The following PRKCA variants were observed in gnomAD, a reference collection of about 807,000 sequenced individuals.
PRKCA encodes protein kinase C alpha, also known as protein kinase C alpha type.
PRKCA carries 27 observed loss-of-function variants against 87.0 expected under a neutral mutation model. The ratio of observed to expected loss-of-function variants is 0.31; its 90% confidence interval spans 0.23 to 0.43. PRKCA has a LOEUF of 0.43. PRKCA is among the 20% of genes least tolerant of loss of function. The pLI is 1.00. For missense variants in PRKCA, 518 were observed against 852.3 expected, an observed-to-expected ratio of 0.61 and a Z score of 4.88; for synonymous variants, 329 against 311.1, an observed-to-expected ratio of 1.06 and a Z score of -0.61.
chr17:66,556,473 C>G (rs1395326875), intron 3 of PRKCA, among the ~76,000 whole-genome samples: 1 of 151,794 alleles, frequency 6.6e-6, no homozygotes, highest in Non-Finnish European at 1.5e-5. Flanking sequence ...AATATTTAAC[C>G]AAAAGAAGAG....
intron 3 of PRKCA, among the ~76,000 whole-genome samples, chr17:66,625,318 TAAAGG>T (rs1941847996): frequency 6.6e-6 from 1 of 152,182 alleles, no homozygotes; most frequent in African/African-American, 2.4e-5. Flanking sequence ...GTAGACTTCT[TAAAGG>T]AGAGGGATAT....
chr17:66,729,472 C>T (rs577640130), intron 8 of PRKCA, among the ~76,000 whole-genome samples: 7 of 152,278 alleles, frequency 4.6e-5, no homozygotes, highest in Non-Finnish European at 7.4e-5. Flanking sequence ...GAATCATTGC[C>T]GGGGCCAGTT....
At chr17:66,405,875 G>C (rs1164523250) in intron 2 of PRKCA, among the ~76,000 whole-genome samples, 5 of 152,154 alleles carry the variant, frequency 3.3e-5, no homozygotes, top group African/African-American at 4.8e-5. Context: ...ACTCTGCCAA[G>C]TTTCTTGTGG....
intron 3 of PRKCA, among the ~76,000 whole-genome samples, chr17:66,558,422 T>TG (rs1485793967): frequency 2.0e-5 from 3 of 151,966 alleles, no homozygotes; most frequent in Non-Finnish European, 4.4e-5. Context: ...AGCAGAGACT[T>TG]GGGGGATGTG....
At chr17:66,464,752 T>C (rs1192221845) in intron 2 of PRKCA, among the ~76,000 whole-genome samples, 1 of 152,084 alleles carries the variant, frequency 6.6e-6, no homozygotes, top group Non-Finnish European at 1.5e-5. Context: ...TATTTGTATA[T>C]TTTGTATAAT....
At chr17:66,634,371 G>A (rs531929026) in intron 3 of PRKCA, among the ~76,000 whole-genome samples, 2 of 152,312 alleles carry the variant, frequency 1.3e-5, no homozygotes, top group African/African-American at 4.8e-5. Context: ...TGTCAGGCTT[G>A]TGACATATGA....
chr17:66,594,365 C>T (rs1050713296), intron 3 of PRKCA, among the ~76,000 whole-genome samples: 3 of 152,106 alleles, frequency 2.0e-5, no homozygotes, highest in South Asian at 2.1e-4. Flanking sequence ...TACCAACTTT[C>T]GGCCCCTGCT....
chr17:66,763,250 G>A (rs1036073372), intron 13 of PRKCA, among the ~76,000 whole-genome samples: 1 of 152,214 alleles, frequency 6.6e-6, no homozygotes, highest in Admixed American at 6.5e-5. Context: ...CGTGCCTGAG[G>A]TCCTGGTGCT....
chr17:66,764,586 G>A (rs531375853), intron 13 of PRKCA, among the ~76,000 whole-genome samples: 54 of 152,348 alleles, frequency 3.5e-4, no homozygotes, highest in African/African-American at 1.1e-3. Context: ...GCTCTTGTAA[G>A]TATAATAATA....
chr17:66,567,018 C>T (rs752097386), intron 3 of PRKCA, among the ~76,000 whole-genome samples: 3 of 152,114 alleles, frequency 2.0e-5, no homozygotes, highest in Non-Finnish European at 4.4e-5. Context: ...ATACAATTGT[C>T]ACATTATGTA....
At position 66,590,862 on chromosome 17, in the gene PRKCA, G is replaced by A. The variant is rs1483823781; in HGVS notation, c.289-50493G>A. The stretch of plus-strand genomic sequence containing the variant: ...AAGACTCCGTCTCAAAAAAAAAAAA[G>A]TGGATGCCGGTCCTGAAATGAGACC... On this transcript the variant is annotated intron_variant, in intron 3 of 16. Coordinates refer to ENST00000413366, the MANE Select transcript of PRKCA (RefSeq NM_002737.3). 7.3e-5 allele frequency among the ~76,000 whole-genome samples: 11 copies of A among 151,590 alleles called. No homozygotes were observed. The South Asian group carries it at 1.5e-3, about 20-fold the overall frequency.
chr17:66,529,104 A>G (rs1967450782), intron 3 of PRKCA, among the ~76,000 whole-genome samples: 1 of 152,200 alleles, frequency 6.6e-6, no homozygotes, highest in Non-Finnish European at 1.5e-5. Context: ...GACCTTAAAT[A>G]TCATCTTTGA....
chr17:66,441,373 A>C (rs1430463193), intron 2 of PRKCA, among the ~76,000 whole-genome samples: 1 of 151,590 alleles, frequency 6.6e-6, no homozygotes, highest in Non-Finnish European at 1.5e-5. Context: ...GGGTGCTCTT[A>C]AGCTCACAGT....
chr17:66,519,704 G>T (rs1336285601), intron 3 of PRKCA, among the ~76,000 whole-genome samples: 1 of 152,144 alleles, frequency 6.6e-6, no homozygotes, highest in Non-Finnish European at 1.5e-5. Context: ...TCTCAAAGGG[G>T]CTTGCCAGAC....
At chr17:66,592,823 C>T (rs1250780041) in intron 3 of PRKCA, among the ~76,000 whole-genome samples, 2 of 152,194 alleles carry the variant, frequency 1.3e-5, no homozygotes, top group African/African-American at 2.4e-5. Flanking sequence ...GACAAAGTCT[C>T]GCTCTGTCGC....
At chr17:66,764,644 T>C (rs1268402150) in intron 13 of PRKCA, among the ~76,000 whole-genome samples, 1 of 152,262 alleles carries the variant, frequency 6.6e-6, no homozygotes, top group African/African-American at 2.4e-5. Context: ...AGTGGCCTTG[T>C]TGGGGGTCTG....
chr17:66,377,699 TTTTATATATA>T (rs1187178608), intron 2 of PRKCA, among the ~76,000 whole-genome samples: 5 of 48,792 alleles, frequency 1.0e-4, no homozygotes, highest in African/African-American at 2.8e-4. Context: ...AAAGTCTATG[TTTTATATATA>T]TATATATATA....
In PRKCA at chr17:66,804,902, C is replaced by T. The variant is rs1011147066; in HGVS notation, c.*865C>T. 14 of 727,888 alleles carry T rather than the reference C, an allele frequency of 1.9e-5. No homozygotes were observed. The highest frequency in any genetic ancestry group is 2.6e-4 in the East Asian group (2 of 7,646). 45.1% of individuals were successfully genotyped at this position (727,888 alleles called of 1,614,324 possible). On this transcript the variant is annotated 3_prime_UTR_variant, in exon 17 of 17. Coordinates refer to ENST00000413366, the MANE Select transcript of PRKCA (RefSeq NM_002737.3). ...CATGCCACTACTCACCAGTGTTGTT[C>T]ACCAACACCCACCCCCACACACACC...
At chr17:66,734,308 A>C (rs1973971272) in intron 9 of PRKCA, among the ~76,000 whole-genome samples, 1 of 152,232 alleles carries the variant, frequency 6.6e-6, no homozygotes, top group Admixed American at 6.5e-5. Flanking sequence ...TGCTTGACTG[A>C]GTATACTTAG....
Sources: allele counts gnomAD v4.1 joint callset (sites outside exome capture counted in the v4.1 genomes callset), GRCh38; gene constraint gnomAD v4.1.1; transcripts MANE v1.5; gene names NCBI Gene and HGNC (gene_info 2026-07-23, HGNC 2026-07-21).